Variants in PDE12 observed in about 807,000 individuals in gnomAD.
PDE12 encodes the protein 2',5'-phosphodiesterase 12.
A neutral mutation model predicts 45.4 loss-of-function variants in PDE12; 26 were observed. The observed-to-expected ratio is 0.57, with a 90% confidence interval of 0.42 to 0.79. The LOEUF (loss-of-function observed/expected upper bound fraction) is 0.79, where lower values mean the gene tolerates loss of function less well. Ranked by LOEUF, PDE12 falls within the 30% of genes least tolerant of loss-of-function variation. The pLI is 0.00. For missense variants in PDE12, 668 were observed against 790.0 expected, an observed-to-expected ratio of 0.85 and a Z score of 1.85; for synonymous variants, 283 against 323.9, an observed-to-expected ratio of 0.87 and a Z score of 1.36.
In PDE12 at chr3:57,561,972, A is replaced by G; in HGVS notation, c.*1968A>G. 1.0e-6 allele frequency: 1 copy of G among 984,626 alleles called. No homozygotes were observed. Among genetic ancestry groups the G allele is most frequent in the African/African-American group, 1.7e-5 (1 of 57,364 alleles). 61.0% of individuals were successfully genotyped at this position (984,626 alleles called of 1,614,324 possible). On this transcript the variant is annotated 3_prime_UTR_variant, in exon 3 of 3. Coordinates refer to ENST00000311180, the MANE Select transcript of PDE12 (RefSeq NM_177966.7). Reference sequence around the variant, plus strand: ...ATGCTACCAAATTGTGCCTTCCTAAATAACATTTTTGAGAGCATTTTAACA... The same window carrying G: ...ATGCTACCAAATTGTGCCTTCCTAAGTAACATTTTTGAGAGCATTTTAACA...
At chr3:57,624,809 A>C in the PDE12 span, among the ~76,000 whole-genome samples, 1 of 152,164 alleles carries the variant, frequency 6.6e-6, no homozygotes, top group East Asian at 1.9e-4. Context: ...CTTTTAAAAA[A>C]GAAGAGGAAG....
chr3:57,578,895 G>C, the PDE12 span, among the ~76,000 whole-genome samples: 1 of 151,458 alleles, frequency 6.6e-6, no homozygotes, highest in African/African-American at 2.4e-5. Flanking sequence ...AGAAAAGGGG[G>C]GGGGCAAAAA....
At position 57,557,150 on chromosome 3, in the gene PDE12, C is replaced by T. The variant is rs149773609; in HGVS notation, c.771C>T (p.Arg257=). ...KLHCTPGDGQ[R]FGHSRELESV... is the part of the protein sequence containing the mutation. ...ACTGCACCCCAGGCGATGGGCAGCG[C>T]TTTGGGCACAGCCGGGAGTTGGAAA... Residue 257 remains arginine (R), a synonymous_variant, in exon 1 of 3, where the codon CGC becomes CGT. Coordinates refer to ENST00000311180, the MANE Select transcript of PDE12 (RefSeq NM_177966.7). The T allele has an allele frequency of 2.5e-5, 40 of 1,613,980 alleles. No individual in the cohort carries two copies. Among genetic ancestry groups the T allele is most frequent in the Non-Finnish European group, 3.0e-5 (35 of 1,180,030 alleles).
chr3:57,602,820 C>T, the PDE12 span, among the ~76,000 whole-genome samples: 1 of 152,176 alleles, frequency 6.6e-6, no homozygotes, highest in African/African-American at 2.4e-5. Context: ...ATCCACCCGC[C>T]TCGGTCTCCC....
At chr3:57,614,512 G>T in the PDE12 span, among the ~76,000 whole-genome samples, 1 of 148,372 alleles carries the variant, frequency 6.7e-6, no homozygotes, top group Non-Finnish European at 1.5e-5. Flanking sequence ...GGTGGCTCAC[G>T]CCTGTAATCC....
chr3:57,577,460 A>C, the PDE12 span: 7 of 1,118,564 alleles, frequency 6.3e-6, no homozygotes, highest in African/African-American at 1.1e-4. Flanking sequence ...TAGGCAGCAA[A>C]ATGGTACCAA....
At position 57,557,371 on chromosome 3, in the gene PDE12, G is replaced by T; in HGVS notation, c.992G>T (p.Arg331Leu). 6.2e-7 allele frequency: 1 copy of T among 1,613,908 alleles called. No homozygotes were observed. The highest frequency in any genetic ancestry group is 8.5e-7 in the Non-Finnish European group (1 of 1,180,008). Residue 331 changes from arginine to leucine, a missense_variant, in exon 1 of 3, where the codon CGC becomes CTC. Coordinates refer to ENST00000311180, the MANE Select transcript of PDE12 (RefSeq NM_177966.7). ...CAPYALELDY[R>L]QNLIQKELTG... Reference sequence around the variant, plus strand: ...CCCTACGCCCTGGAGCTCGACTACCGCCAGAACCTTATCCAGAAGGAACTC... The same window carrying T: ...CCCTACGCCCTGGAGCTCGACTACCTCCAGAACCTTATCCAGAAGGAACTC...
chr3:57,631,067 A>T, the PDE12 span: 1 of 1,191,120 alleles, frequency 8.4e-7, no homozygotes, highest in Non-Finnish European at 1.2e-6. Flanking sequence ...TTAAGTTTTT[A>T]ATCATATGCC....
the PDE12 span, among the ~76,000 whole-genome samples, chr3:57,576,083 A>G: frequency 8.7e-3 from 1,320 of 152,278 alleles, 16 homozygotes; most frequent in Non-Finnish European, 0.011. Context: ...TATCCTTTCC[A>G]ACAACAGTGG....
At chr3:57,641,656 T>C in the PDE12 span, 6 of 1,607,960 alleles carry the variant, frequency 3.7e-6, no homozygotes, top group East Asian at 8.9e-5. Context: ...ACTTTACCTG[T>C]AGGTTTAAGG....
the PDE12 span, among the ~76,000 whole-genome samples, chr3:57,585,482 T>C: frequency 6.6e-6 from 1 of 152,124 alleles, no homozygotes; most frequent in South Asian, 2.1e-4. Flanking sequence ...GATTAACCTG[T>C]TATAAAAATG....
At position 57,556,458 on chromosome 3, in the gene PDE12, G is replaced by T. The variant is rs1236382746; in HGVS notation, c.79G>T (p.Gly27Trp). The T allele has an allele frequency of 2.5e-6, 4 of 1,613,198 alleles. No individual in the cohort carries two copies. The Admixed American group carries it at 6.7e-5, about 27-fold the overall frequency. The change falls in exon 1 of 3, where the codon GGG becomes TGG. Residue 27 changes from glycine (G) to tryptophan (W), a missense_variant. Transcript: ENST00000311180. The surrounding 1 kb of genome is among the most constrained non-coding windows in gnomAD (Gnocchi z 5.0). ...GGAGAAGCTGAGCCGGGCTGAAGCG[G>T]GGAGCCAGACAGCGGCGGGAGCGAT... is the stretch of plus-strand genomic sequence containing the variant. ...AVEKLSRAEA[G>W]SQTAAGAMER...
the PDE12 span, among the ~76,000 whole-genome samples, chr3:57,650,254 C>T: frequency 6.6e-6 from 1 of 151,452 alleles, no homozygotes; most frequent in Admixed American, 6.6e-5. Flanking sequence ...CTTATTCATG[C>T]AACCAAACAC....
chr3:57,573,845 G>A, the PDE12 span, among the ~76,000 whole-genome samples: 7 of 152,316 alleles, frequency 4.6e-5, no homozygotes, highest in Non-Finnish European at 1.5e-5. Context: ...GCCTCCCAAA[G>A]TGCTGGGATT....
chr3:57,654,106 C>G, the PDE12 span, among the ~76,000 whole-genome samples: 1 of 150,292 alleles, frequency 6.7e-6, no homozygotes, highest in South Asian at 2.1e-4. Flanking sequence ...CGCCACCACG[C>G]CCGGCTAATT....
the PDE12 span, among the ~76,000 whole-genome samples, chr3:57,579,600 AT>A: frequency 6.6e-6 from 1 of 151,680 alleles, no homozygotes; most frequent in Non-Finnish European, 1.5e-5. Context: ...ATCCTACATC[AT>A]TTTCTGTTTA....
Position 57,557,138 on chromosome 3 carries a change from C to A in PDE12, c.759C>A (p.Gly253=), listed in dbSNP as rs747206110. 3.7e-6 allele frequency: 6 copies of A among 1,614,068 alleles called. No homozygotes were observed. Among genetic ancestry groups the A allele is most frequent in the Middle Eastern group, 1.6e-4 (1 of 6,062 alleles). Residue 253 remains glycine (G), a synonymous_variant, in exon 1 of 3, where the codon GGC becomes GGA. Transcript: ENST00000311180. ...GGCTCAAGCTTCACTGCACCCCAGGCGATGGGCAGCGCTTTGGGCACAGCC... is the reference window on the plus strand; with the variant it reads ...GGCTCAAGCTTCACTGCACCCCAGGAGATGGGCAGCGCTTTGGGCACAGCC... The part of the protein sequence containing the change: ...GLRLKLHCTP[G]DGQRFGHSRE...
rs765411324 is a variant in PDE12, at chr3:57,556,538, C to T, written c.159C>T (p.Phe53=). 6.2e-7 allele frequency: 1 copy of T among 1,613,562 alleles called. No individual in the cohort carries two copies. Among genetic ancestry groups the T allele is most frequent in the East Asian group, 2.2e-5 (1 of 44,882 alleles). ...CGGAACCCAAGCTGAGCCTGTCATT[C>T]GCTTTGGCTGATGGTAGCCACAAGA... is the stretch of plus-strand genomic sequence containing the variant. ...VPSEPKLSLS[F]ALADGSHKNM... The change falls in exon 1 of 3, where the codon TTC becomes TTT. Residue 53 remains phenylalanine (F), a synonymous_variant. Coordinates refer to ENST00000311180, the MANE Select transcript of PDE12 (RefSeq NM_177966.7). This position sits in a 1 kb window ranked among gnomAD's most constrained non-coding sequence, Gnocchi z 5.0.
At chr3:57,611,410 G>A in the PDE12 span, among the ~76,000 whole-genome samples, 10 of 152,140 alleles carry the variant, frequency 6.6e-5, no homozygotes, top group Admixed American at 3.9e-4. Context: ...AAGAGCTTCT[G>A]CACAGCAAAA....
Sources: allele counts gnomAD v4.1 joint callset (sites outside exome capture counted in the v4.1 genomes callset), GRCh38; gene constraint gnomAD v4.1.1; non-coding constraint Gnocchi (gnomAD v3.1); transcripts MANE v1.5; gene names NCBI Gene and HGNC (gene_info 2026-07-23, HGNC 2026-07-21).